The following SERTAD2 variants were observed in gnomAD, a reference collection of about 807,000 sequenced individuals.
SERTAD2 encodes SERTA domain containing 2, also known as SERTA domain-containing protein 2.
In SERTAD2, 2 loss-of-function variants were observed where a neutral mutation model predicts 15.4. The observed-to-expected ratio is 0.13, with a 90% CI of 0.05 to 0.41. The LOEUF (loss-of-function observed/expected upper bound fraction) is 0.41. Among genes scored for constraint, SERTAD2 ranks in the 10% least tolerant of loss-of-function variants. The probability of loss-of-function intolerance (pLI) is 0.99; values close to 1 mark genes in which losing one functional copy is unlikely to be tolerated. For missense variants in SERTAD2, 333 were observed against 409.7 expected (o/e 0.81, Z 1.62); for synonymous variants, 180 against 178.0 (o/e 1.01, Z -0.09).
intron 1 of SERTAD2, among the ~76,000 whole-genome samples, chr2:64,637,870 A>G (rs1467136438): frequency 6.6e-6 from 1 of 152,182 alleles, no homozygotes; most frequent in African/African-American, 2.4e-5. Flanking sequence ...AATACATTTT[A>G]TCAACTGGTT....
intron 1 of SERTAD2, among the ~76,000 whole-genome samples, chr2:64,643,638 G>A (rs1264925581): frequency 6.6e-6 from 1 of 152,230 alleles, no homozygotes; most frequent in Non-Finnish European, 1.5e-5. Context: ...GAAGGCCGAG[G>A]CGGGTGGATC....
chr2:64,644,439 C>T lies in SERTAD2; in HGVS notation c.-4-7564G>A, dbSNP rs7589003. Among the ~76,000 whole-genome samples, 814 of 152,350 alleles carry T rather than the reference C, an allele frequency of 5.3e-3. 6 individuals are homozygous for T. Among genetic ancestry groups the T allele is most frequent in the African/African-American group, 0.018 (766 of 41,584 alleles). On this transcript the variant is annotated intron_variant, in intron 1 of 1. Transcript: ENST00000313349. ...TCTGTTCATGACAAAAGGGAACCTC[C>T]CACCAGCCTGAGGGCGGGACGCTGA...
chr2:64,645,420 A>G (rs1674882898), intron 1 of SERTAD2, among the ~76,000 whole-genome samples: 1 of 152,218 alleles, frequency 6.6e-6, no homozygotes, highest in Non-Finnish European at 1.5e-5. Context: ...ATACACTGAA[A>G]TTCGAACAGG....
At chr2:64,637,414 C>T (rs144445921) in intron 1 of SERTAD2, among the ~76,000 whole-genome samples, 135 of 152,278 alleles carry the variant, frequency 8.9e-4, no homozygotes, top group Non-Finnish European at 1.7e-3. Flanking sequence ...TTTCAAAATG[C>T]TTTTCCTTCC....
At chr2:64,649,681 T>G (rs1453473108) in intron 1 of SERTAD2, among the ~76,000 whole-genome samples, 1 of 152,236 alleles carries the variant, frequency 6.6e-6, no homozygotes, top group African/African-American at 2.4e-5. Flanking sequence ...GAATGAGTTT[T>G]AAGAACTGAA....
At position 64,635,966 on chromosome 2, in the gene SERTAD2, T is replaced by G. The variant is rs768875625; in HGVS notation, c.906A>C (p.Thr302=). 7.4e-6 allele frequency: 12 copies of G among 1,613,944 alleles called. No homozygotes were observed. The Admixed American group carries it at 2.0e-4, about 27-fold the overall frequency. ...GCACCTCCATGATGTGGTCCAGCTC[T>G]GTGAGGTCCATTTTGAAAGGCTGAC... ...TPSQPFKMDL[T]ELDHIMEVLV... is the part of the protein sequence containing the mutation. Residue 302 remains threonine (T), a synonymous_variant, in exon 2 of 2, where the codon ACA becomes ACC. Transcript: ENST00000313349.
intron 1 of SERTAD2, among the ~76,000 whole-genome samples, chr2:64,647,178 A>G (rs1674919356): frequency 6.6e-6 from 1 of 152,348 alleles, no homozygotes; most frequent in Middle Eastern, 3.4e-3. Context: ...TATTTAAATT[A>G]TAAGTTCAGG....
chr2:64,647,981 G>A (rs1674940522), intron 1 of SERTAD2, among the ~76,000 whole-genome samples: 1 of 152,148 alleles, frequency 6.6e-6, no homozygotes, highest in South Asian at 2.1e-4. Context: ...TACAAATACA[G>A]AACATATTTC....
rs1674664444 is a variant in SERTAD2 at position 64,636,554 on chromosome 2, G to C, written c.318C>G (p.Ala106=). The part of the protein sequence containing the change: ...PSDSYREAPP[A]FSHLASPSSH... ...AGGACGGGGACGCCAGGTGGCTGAA[G>C]GCCGGCGGGGCCTCTCGGTAGCTGT... Residue 106 remains alanine (A), a synonymous_variant, in exon 2 of 2, where the codon GCC becomes GCG. Coordinates refer to ENST00000313349, the MANE Select transcript of SERTAD2 (RefSeq NM_014755.3). 1.9e-6 allele frequency: 3 copies of C among 1,596,790 alleles called. No homozygotes were observed. Among genetic ancestry groups the C allele is most frequent in the Non-Finnish European group, 1.7e-6 (2 of 1,169,824 alleles).
chr2:64,645,856 CAATT>C (rs916899200), intron 1 of SERTAD2, among the ~76,000 whole-genome samples: 20 of 152,250 alleles, frequency 1.3e-4, no homozygotes, highest in African/African-American at 4.8e-4. Context: ...CTATGGACAC[CAATT>C]ACCTTCTTCC....
intron 1 of SERTAD2, among the ~76,000 whole-genome samples, chr2:64,637,804 C>T (rs558309545): frequency 2.4e-4 from 36 of 152,340 alleles, no homozygotes; most frequent in African/African-American, 8.2e-4. Context: ...ACTCCTGCCC[C>T]ATCTTGCCTG....
chr2:64,638,048 C>T (rs1172882338), intron 1 of SERTAD2, among the ~76,000 whole-genome samples: 1 of 152,214 alleles, frequency 6.6e-6, no homozygotes, highest in African/African-American at 2.4e-5. Flanking sequence ...TTTTGGTGTT[C>T]GGACCAGGAT....
chr2:64,648,055 C>G (rs1674941882), intron 1 of SERTAD2, among the ~76,000 whole-genome samples: 1 of 152,176 alleles, frequency 6.6e-6, no homozygotes, highest in African/African-American at 2.4e-5. Flanking sequence ...CTTTTACTTA[C>G]TGTGTAAAAC....
Position 64,635,809 on chromosome 2 carries a change from T to G in SERTAD2, c.*118A>C. 1.3e-6 allele frequency: 1 copy of G among 783,640 alleles called. No individual in the cohort carries two copies. Among genetic ancestry groups the G allele is most frequent in the Non-Finnish European group, 2.1e-6 (1 of 481,862 alleles). The allele number at this position is 783,640 out of a possible 1,614,324, so 48.5% of individuals were successfully genotyped here. ...AGCAAAAACTAGTGTGATCCTGTTGTAAAATTTTCTTTTTCTCTGAAAAAG... is the reference window on the plus strand; with the variant it reads ...AGCAAAAACTAGTGTGATCCTGTTGGAAAATTTTCTTTTTCTCTGAAAAAG... On this transcript the variant is annotated 3_prime_UTR_variant, in exon 2 of 2. Transcript: ENST00000313349.
intron 1 of SERTAD2, among the ~76,000 whole-genome samples, chr2:64,652,387 G>T (rs936129774): frequency 1.3e-5 from 2 of 152,292 alleles, no homozygotes; most frequent in East Asian, 1.9e-4. Context: ...CGGTCCTTCA[G>T]GGGCGGAGCG....
chr2:64,640,864 C>T (rs1391444304), intron 1 of SERTAD2, among the ~76,000 whole-genome samples: 1 of 152,208 alleles, frequency 6.6e-6, no homozygotes, highest in Non-Finnish European at 1.5e-5. Flanking sequence ...GTGGGTGCTC[C>T]TCCATCTTCT....
chr2:64,641,152 A>C (rs1256089035), intron 1 of SERTAD2, among the ~76,000 whole-genome samples: 1 of 152,234 alleles, frequency 6.6e-6, no homozygotes, highest in Non-Finnish European at 1.5e-5. Flanking sequence ...CTGTACATGA[A>C]AACTAGTTTT....
At chr2:64,636,989 T>G in intron 1 of SERTAD2, 114 bp from the exon 2 acceptor site, 1 of 680,900 alleles carries the variant, frequency 1.5e-6, no homozygotes, top group South Asian at 2.1e-5. Flanking sequence ...TGCCCAGGGT[T>G]ATTTACAAGT....
chr2:64,635,969 G>C lies in SERTAD2; in HGVS notation c.903C>G (p.Leu301=), dbSNP rs1674647398. The change falls in exon 2 of 2, where the codon CTC becomes CTG. Residue 301 remains leucine (L), a synonymous_variant. Transcript: ENST00000313349. ...CCTCCATGATGTGGTCCAGCTCTGT[G>C]AGGTCCATTTTGAAAGGCTGACTTG... ...VTPSQPFKMD[L]TELDHIMEVL... 2.5e-6 allele frequency: 4 copies of C among 1,614,070 alleles called. No homozygotes were observed. Among genetic ancestry groups the C allele is most frequent in the South Asian group, 1.1e-5 (1 of 91,078 alleles).
Sources: allele counts gnomAD v4.1 joint callset (sites outside exome capture counted in the v4.1 genomes callset), GRCh38; gene constraint gnomAD v4.1.1; transcripts MANE v1.5; gene names NCBI Gene and HGNC (gene_info 2026-07-23, HGNC 2026-07-21).